The following ZNF837 variants were observed in gnomAD, a reference collection of about 807,000 sequenced individuals.
ZNF837 encodes zinc finger protein 837.
For synonymous variants in ZNF837, 475 were observed against 365.2 expected (o/e 1.30, Z -3.43); for missense variants, 955 against 801.7 (o/e 1.19, Z -2.31).
At chr19:58,378,517 C>G (rs1375232342) in intron 1 of ZNF837, among the ~76,000 whole-genome samples, 1 of 152,134 alleles carries the variant, frequency 6.6e-6, no homozygotes, top group African/African-American at 2.4e-5. Flanking sequence ...TGAGGACTTC[C>G]CAGGGTGAAA....
chr19:58,372,205 C>T (rs2052208292), intron 1 of ZNF837, among the ~76,000 whole-genome samples: 1 of 152,088 alleles, frequency 6.6e-6, no homozygotes, highest in African/African-American at 2.4e-5. Context: ...TAGGCATTCA[C>T]CACCAAGCCC....
chr19:58,379,137 G>A (rs2052271310), intron 1 of ZNF837, among the ~76,000 whole-genome samples: 1 of 152,222 alleles, frequency 6.6e-6, no homozygotes, highest in South Asian at 2.1e-4. Context: ...TAGTGATGGG[G>A]AGTCAGAGGA....
rs1555781681 is a variant in ZNF837 at position 58,368,099 on chromosome 19, T to C, written c.1234A>G (p.Thr412Ala). ...GCGTAGGGCTTGGCGCTGCTGTGAG[T>C]GCGCTGGTGCCGGCTCAGGTTCGAG... ...QRSNLSRHQR[T>A]HSSAKPYACP... The change falls in exon 3 of 3, where the codon ACT (threonine) becomes GCT (alanine). Residue 412 changes from threonine (T) to alanine (A), a missense_variant. Transcript: ENST00000597582. 6.4e-6 allele frequency: 10 copies of C among 1,557,972 alleles called. No homozygotes were observed. Among genetic ancestry groups the C allele is most frequent in the Non-Finnish European group, 8.7e-6 (10 of 1,155,252 alleles).
rs1227040088 is a variant in ZNF837, at chr19:58,367,987, C to T, written c.1346G>A (p.Cys449Tyr). The change falls in exon 3 of 3, where the codon TGC becomes TAC. Residue 449 changes from cysteine (C) to tyrosine (Y), a missense_variant. Coordinates refer to ENST00000597582, the MANE Select transcript of ZNF837 (RefSeq NM_138466.2). ...GCGGAAGGTCTTTCCGCACTCGGAG[C>T]AGCCATAGGGCCGCTCGCCGGTGTG... is the stretch of plus-strand genomic sequence containing the variant. ...RAHTGERPYG[C>Y]SECGKTFRGC... 2.6e-6 allele frequency: 4 copies of T among 1,532,312 alleles called. No homozygotes were observed. The South Asian group carries it at 3.6e-5, about 14-fold the overall frequency. The allele number at this position is 1,532,312 out of a possible 1,614,324, so 94.9% of individuals were successfully genotyped here.
intron 1 of ZNF837, among the ~76,000 whole-genome samples, chr19:58,375,329 T>G: frequency 7.4e-6 from 1 of 135,442 alleles, no homozygotes; most frequent in African/African-American, 2.8e-5. Flanking sequence ...CATATATACT[T>G]AAGAGTATAT....
Position 58,369,280 on chromosome 19 carries a change from G to T in ZNF837, c.53C>A (p.Ala18Asp). 1 of 1,407,582 alleles carries T rather than the reference G, an allele frequency of 7.1e-7. No individual in the cohort carries two copies. The highest frequency in any genetic ancestry group is 1.5e-5 in the African/African-American group (1 of 65,850). The allele number at this position is 1,407,582 out of a possible 1,614,324, so 87.2% of individuals were successfully genotyped here. ...AGQGGLPKAD[A>D]QGASGAREKR... ...CTCCCGGGCCCCGGAGGCACCCTGGGCATCGGCCTTGGGGAGTCCTCCCTG... is the reference window on the plus strand; with the variant it reads ...CTCCCGGGCCCCGGAGGCACCCTGGTCATCGGCCTTGGGGAGTCCTCCCTG... Residue 18 changes from alanine (A) to aspartate (D), a missense_variant, in exon 3 of 3, where the codon GCC (alanine) becomes GAC (aspartate). Ala to Asp is a moderately radical substitution (Grantham distance 126). Coordinates refer to ENST00000597582, the MANE Select transcript of ZNF837 (RefSeq NM_138466.2).
At chr19:58,377,984 C>T (rs1214922495) in intron 1 of ZNF837, among the ~76,000 whole-genome samples, 1 of 152,264 alleles carries the variant, frequency 6.6e-6, no homozygotes, top group Non-Finnish European at 1.5e-5. Context: ...CTGCCCACCT[C>T]CCCACACTCT....
Position 58,368,229 on chromosome 19 carries a change from G to T in ZNF837, c.1104C>A (p.Cys368Ter). The T allele has an allele frequency of 6.6e-7, 1 of 1,519,304 alleles. No homozygotes were observed. The highest frequency in any genetic ancestry group is 8.8e-7 in the Non-Finnish European group (1 of 1,136,376). 94.1% of individuals were successfully genotyped at this position (1,519,304 alleles called of 1,614,324 possible). The change falls in exon 3 of 3, where the codon TGC (cysteine) becomes TGA (stop). Residue 368 changes from cysteine (C) to a stop codon, truncating the protein, a stop_gained. Transcript: ENST00000597582. LOFTEE classifies it low-confidence loss of function (END_TRUNC). ...AGEKPYECAD[C>*]AKAFGLFSHL... Reference sequence around the variant, plus strand: ...GCGAGAACAGCCCGAAGGCCTTGGCGCAGTCGGCGCACTCGTACGGCTTCT... The same window carrying T: ...GCGAGAACAGCCCGAAGGCCTTGGCTCAGTCGGCGCACTCGTACGGCTTCT...
Position 58,369,153 on chromosome 19 carries a change from G to A in ZNF837, c.180C>T (p.Pro60=). The change falls in exon 3 of 3, where the codon CCC becomes CCT. Residue 60 remains proline (P), a synonymous_variant. Coordinates refer to ENST00000597582, the MANE Select transcript of ZNF837 (RefSeq NM_138466.2). Reference sequence around the variant, plus strand: ...TGCAGCCCCGGGAGCCCCCGCCTGGGGGAGTCGTCCTACCGCCCGCCGCTC... The same window carrying A: ...TGCAGCCCCGGGAGCCCCCGCCTGGAGGAGTCGTCCTACCGCCCGCCGCTC... ...LRGAAGGRTT[P]PGGGSRGCSL... 6.9e-7 allele frequency: 1 copy of A among 1,454,194 alleles called. No homozygotes were observed. The highest frequency in any genetic ancestry group is 9.1e-7 in the Non-Finnish European group (1 of 1,104,488). 90.1% of individuals were successfully genotyped at this position (1,454,194 alleles called of 1,614,324 possible). A position where few individuals can be genotyped will look rare whatever the true frequency, so the allele number is the denominator to read the frequency against.
Position 58,367,776 on chromosome 19 carries a change from G to C in ZNF837, c.1557C>G (p.Asn519Lys), listed in dbSNP as rs1298066607. ...GGCCCCCGTGCCGCTTCCGGTGCTCGTTGAGGTTGGAGCGTTGGCTGAAGG... is the reference window on the plus strand; with the variant it reads ...GGCCCCCGTGCCGCTTCCGGTGCTCCTTGAGGTTGGAGCGTTGGCTGAAGG... Reference protein sequence around the residue: ...GRAFSQRSNLNEHRKRHGGRA... With the variant: ...GRAFSQRSNLKEHRKRHGGRA... The change falls in exon 3 of 3, where the codon AAC becomes AAG. Residue 519 changes from asparagine (N) to lysine (K), a missense_variant. By Grantham distance (94) the Asn-to-Lys change is moderately conservative (BLOSUM62 0). Coordinates refer to ENST00000597582, the MANE Select transcript of ZNF837 (RefSeq NM_138466.2). The C allele has an allele frequency of 2.7e-5, 41 of 1,535,360 alleles. No homozygotes were observed. The highest frequency in any genetic ancestry group is 4.1e-5 in the African/African-American group (3 of 72,862).
chr19:58,375,312 A>ACAC (rs1491369524), intron 1 of ZNF837, among the ~76,000 whole-genome samples: 1 of 38,710 alleles, frequency 2.6e-5, no homozygotes, highest in African/African-American at 5.2e-5. Context: ...ATATATATAT[A>ACAC]AAATTACATA....
At chr19:58,371,458 T>C (rs2052201486) in intron 1 of ZNF837, among the ~76,000 whole-genome samples, 1 of 152,036 alleles carries the variant, frequency 6.6e-6, no homozygotes, top group Admixed American at 6.6e-5. Flanking sequence ...TGATGTGAGG[T>C]TTCTCAGCCT....
In ZNF837 at chr19:58,371,265, G is replaced by A. The variant is rs185185476; in HGVS notation, c.-139-1337C>T. On this transcript the variant is annotated intron_variant, in intron 1 of 2. Transcript: ENST00000597582. ...CAAAAAAAAAAAAAAAAAAATTGCC[G>A]GGCATGGTGATGCATGCCTGTAGTC... Among the ~76,000 whole-genome samples, 1,254 of 140,726 alleles carry A rather than the reference G, an allele frequency of 8.9e-3. 20 individuals carry two copies. Among genetic ancestry groups the A allele is most frequent in the African/African-American group, 0.031 (1,183 of 37,920 alleles). The allele number at this position is 140,726 out of a possible 152,430, so 92.3% of individuals were successfully genotyped here. A position where few individuals can be genotyped will look rare whatever the true frequency, so the allele number is the denominator to read the frequency against.
At chr19:58,371,365 G>T (rs1171095460) in intron 1 of ZNF837, among the ~76,000 whole-genome samples, 1 of 152,072 alleles carries the variant, frequency 6.6e-6, no homozygotes. Flanking sequence ...CTGGGATTGG[G>T]CCACTGCCCT....
At chr19:58,371,055 C>T (rs944976623) in intron 1 of ZNF837, among the ~76,000 whole-genome samples, 20 of 152,066 alleles carry the variant, frequency 1.3e-4, no homozygotes, top group African/African-American at 4.8e-4. Flanking sequence ...TCCTGGCTAA[C>T]ACGGTGAAAC....
chr19:58,368,577 G>T lies in ZNF837; in HGVS notation c.756C>A (p.Cys252Ter), dbSNP rs1430778647. Reference sequence around the variant, plus strand: ...TAGGGCGAGGTCGCGAGGTTTGGCCGCACTCAGGACACACTGGGGGACTCT... The same window carrying T: ...TAGGGCGAGGTCGCGAGGTTTGGCCTCACTCAGGACACACTGGGGGACTCT... ...AGKSPPVCPE[C>*]GQTSRPRPIV... The change falls in exon 3 of 3, where the codon TGC becomes TGA. Residue 252 changes from cysteine to a stop codon, truncating the protein, a stop_gained. Coordinates refer to ENST00000597582, the MANE Select transcript of ZNF837 (RefSeq NM_138466.2). LOFTEE classifies it low-confidence loss of function (END_TRUNC). 2.6e-6 allele frequency: 4 copies of T among 1,535,920 alleles called. No individual in the cohort carries two copies. The Admixed American group carries it at 5.9e-5, about 23-fold the overall frequency.
rs2052285761 is a variant in ZNF837 at position 58,380,983 on chromosome 19, A to G, written c.-182T>C. Reference sequence around the variant, plus strand: ...CACGGGTCCCTGGTCCCCGCCCCGCATGCAGCGCGGAGCCGTCCTCCCGCC... The same window carrying G: ...CACGGGTCCCTGGTCCCCGCCCCGCGTGCAGCGCGGAGCCGTCCTCCCGCC... On this transcript the variant is annotated 5_prime_UTR_variant, in exon 1 of 3. An upstream start codon of the reference 5' UTR is lost. Coordinates refer to ENST00000597582, the MANE Select transcript of ZNF837 (RefSeq NM_138466.2). 6.6e-6 allele frequency: 1 copy of G among 152,128 alleles called. No homozygotes were observed. Among genetic ancestry groups the G allele is most frequent in the South Asian group, 2.1e-4 (1 of 4,832 alleles). 9.4% of individuals were successfully genotyped at this position (152,128 alleles called of 1,614,324 possible).
intron 1 of ZNF837, among the ~76,000 whole-genome samples, chr19:58,374,556 G>A (rs931473757): frequency 6.6e-6 from 1 of 151,790 alleles, no homozygotes; most frequent in Non-Finnish European, 1.5e-5. Flanking sequence ...TTGCTTTACG[G>A]GTATCAAGTT....
chr19:58,371,605 C>T (rs1213158960), intron 1 of ZNF837, among the ~76,000 whole-genome samples: 3 of 152,220 alleles, frequency 2.0e-5, no homozygotes, highest in African/African-American at 4.8e-5. Context: ...GTGAGATGGA[C>T]ACACTTGTGG....
Sources: gnomAD v4.1 joint callset for allele counts (sites outside exome capture counted in the v4.1 genomes callset) on GRCh38, gnomAD v4.1.1 for gene constraint, MANE v1.5 for transcripts, NCBI Gene and HGNC (gene_info 2026-07-23, HGNC 2026-07-21) for gene names.